The following XKR9 variants were observed in gnomAD, a reference collection of about 807,000 sequenced individuals.
The protein encoded by XKR9 is XK related 9.
A neutral mutation model predicts 32.0 loss-of-function variants in XKR9; 32 were observed. The observed-to-expected ratio is 1.00, with a 90% CI of 0.76 to 1.34. The LOEUF (loss-of-function observed/expected upper bound fraction) is 1.34, where lower values mean the gene tolerates loss of function less well. Ranked by LOEUF, XKR9 falls within the 40% of genes most tolerant of loss-of-function variation. XKR9 has a pLI of 0.00. For synonymous variants in XKR9, 168 were observed against 143.4 expected, an observed-to-expected ratio of 1.17 and a Z score of -1.22; for missense variants, 546 against 429.7, an observed-to-expected ratio of 1.27 and a Z score of -2.39.
chr8:70,761,335 T>C (rs1278243050), intron 2 of XKR9, among the ~76,000 whole-genome samples: 5 of 152,186 alleles, frequency 3.3e-5, no homozygotes, highest in Non-Finnish European at 7.4e-5. Flanking sequence ...ACCAACAGTG[T>C]AAAAGTGTTC....
the XKR9 span, among the ~76,000 whole-genome samples, chr8:70,888,966 A>T: frequency 6.6e-6 from 1 of 151,588 alleles, no homozygotes; most frequent in African/African-American, 2.4e-5. Flanking sequence ...AAATTTTAGA[A>T]TTTTTTCAAT....
the XKR9 span, among the ~76,000 whole-genome samples, chr8:70,993,601 TCTTCCTTCCTTCCTTCCTTCCTTC>T: frequency 0.19 from 19,856 of 104,874 alleles, 1,625 homozygotes; most frequent in Non-Finnish European, 0.23. Flanking sequence ...TCATAGGACA[TCTTCCTTCCTTCCTTCCTTCCTTC>T]CTTCCTTCCT....
At chr8:70,705,052 CCAGA>C (rs750433329) in intron 3 of XKR9, among the ~76,000 whole-genome samples, 5 of 152,022 alleles carry the variant, frequency 3.3e-5, no homozygotes, top group Non-Finnish European at 7.4e-5. Context: ...CTCCTTTTTG[CCAGA>C]CAAAGAATCT....
chr8:70,761,223 T>C (rs1290795241), intron 2 of XKR9, among the ~76,000 whole-genome samples: 2 of 152,240 alleles, frequency 1.3e-5, no homozygotes, highest in East Asian at 3.8e-4. Context: ...TTTGGGTATA[T>C]ACCCAGTAAT....
the XKR9 span, among the ~76,000 whole-genome samples, chr8:70,954,285 T>C: frequency 2.6e-5 from 4 of 152,152 alleles, no homozygotes; most frequent in African/African-American, 9.6e-5. Flanking sequence ...AGATGGGAGC[T>C]CTCATAGTTT....
the XKR9 span, among the ~76,000 whole-genome samples, chr8:71,065,556 T>C: frequency 6.6e-6 from 1 of 152,340 alleles, no homozygotes; most frequent in East Asian, 1.9e-4. Flanking sequence ...ATACAGGGTG[T>C]GAGGTGGCTT....
At chr8:70,840,922 TA>T in the XKR9 span, among the ~76,000 whole-genome samples, 1 of 152,188 alleles carries the variant, frequency 6.6e-6, no homozygotes, top group Admixed American at 6.5e-5. Flanking sequence ...ACTGAAAGAT[TA>T]AAAGTGAGAT....
At chr8:70,988,603 G>A in the XKR9 span, among the ~76,000 whole-genome samples, 2 of 152,092 alleles carry the variant, frequency 1.3e-5, no homozygotes. Flanking sequence ...TCCTCCATGT[G>A]AGCCTCAGTG....
At chr8:70,977,094 T>C in the XKR9 span, among the ~76,000 whole-genome samples, 1 of 152,186 alleles carries the variant, frequency 6.6e-6, no homozygotes, top group Non-Finnish European at 1.5e-5. Context: ...TTACATCGAT[T>C]TGATTCTTCT....
the XKR9 span, among the ~76,000 whole-genome samples, chr8:70,876,469 T>C: frequency 1.3e-5 from 2 of 152,106 alleles, no homozygotes; most frequent in Non-Finnish European, 2.9e-5. Context: ...GCACACTTTT[T>C]CTCTCTTGAC....
At chr8:70,736,763 A>T (rs1342125441), downstream of XKR9, among the ~76,000 whole-genome samples, 2 of 151,962 alleles carry the variant, frequency 1.3e-5, no homozygotes, top group East Asian at 3.8e-4. Flanking sequence ...GGTTTGTCAA[A>T]GATCAGATAG....
the XKR9 span, among the ~76,000 whole-genome samples, chr8:70,993,904 C>T: frequency 7.2e-4 from 109 of 152,260 alleles, 1 homozygote; most frequent in African/African-American, 2.5e-3. Flanking sequence ...ACAATCTCCT[C>T]TACAAAAAGA....
chr8:70,816,241 T>C, the XKR9 span, among the ~76,000 whole-genome samples: 1 of 152,158 alleles, frequency 6.6e-6, no homozygotes, highest in Admixed American at 6.5e-5. Context: ...ACATACACGA[T>C]TGAAAGGACA....
At chr8:70,741,226 G>T (rs1189294972) in intron 2 of XKR9, among the ~76,000 whole-genome samples, 3 of 152,184 alleles carry the variant, frequency 2.0e-5, no homozygotes, top group African/African-American at 4.8e-5. Context: ...TTTAGATAAG[G>T]TTATCAGGGT....
Position 70,669,422 on chromosome 8 carries a change from G to A in XKR9, c.-477G>A, listed in dbSNP as rs977790729. ...CGTGAGGTGGCGTGAGGCGAAGCTG[G>A]AATCTGCCTCTGTCACGGGGGCTGG... On this transcript the variant is annotated 5_prime_UTR_variant, in exon 1 of 5. Coordinates refer to ENST00000408926, the MANE Select transcript of XKR9 (RefSeq NM_001011720.2). The A allele has an allele frequency of 5.3e-6, 2 of 378,018 alleles. No individual in the cohort carries two copies. Among genetic ancestry groups the A allele is most frequent in the Non-Finnish European group, 9.7e-6 (2 of 206,178 alleles). The allele number at this position is 378,018 out of a possible 1,614,324, so 23.4% of individuals were successfully genotyped here.
At chr8:70,809,241 G>T in the XKR9 span, among the ~76,000 whole-genome samples, 25 of 152,194 alleles carry the variant, frequency 1.6e-4, no homozygotes, top group Non-Finnish European at 1.8e-4. Context: ...GGTCCTGACT[G>T]TTAGAAGGAA....
At chr8:70,958,191 A>AT in the XKR9 span, among the ~76,000 whole-genome samples, 50 of 152,242 alleles carry the variant, frequency 3.3e-4, no homozygotes, top group Admixed American at 2.5e-3. Context: ...TAATAGAATG[A>AT]TTTCTATTCC....
At chr8:70,949,687 C>A in the XKR9 span, among the ~76,000 whole-genome samples, 1 of 151,720 alleles carries the variant, frequency 6.6e-6, no homozygotes, top group Non-Finnish European at 1.5e-5. Context: ...ACTCCAGTAG[C>A]TTCGGAGGGG....
chr8:71,062,499 G>T, the XKR9 span, among the ~76,000 whole-genome samples: 36 of 152,220 alleles, frequency 2.4e-4, no homozygotes, highest in African/African-American at 7.7e-4. Flanking sequence ...CTAATACCTT[G>T]CGGGTTGAGA....
Sources: allele counts gnomAD v4.1 joint callset (sites outside exome capture counted in the v4.1 genomes callset), GRCh38; gene constraint gnomAD v4.1.1; transcripts MANE v1.5; gene names NCBI Gene and HGNC (gene_info 2026-07-23, HGNC 2026-07-21).